Variants in LUZP2 observed in about 807,000 individuals in gnomAD.
LUZP2 encodes leucine zipper protein 2.
A neutral mutation model predicts 51.6 loss-of-function variants in LUZP2; 52 were observed. The observed-to-expected ratio is 1.01, with a 90% CI of 0.81 to 1.27. The LOEUF (loss-of-function observed/expected upper bound fraction) is 1.27. Among genes scored for constraint, LUZP2 ranks in the 50% most tolerant of loss-of-function variants. The probability of loss-of-function intolerance (pLI) is 0.00; values close to 1 mark genes in which losing one functional copy is unlikely to be tolerated. For synonymous variants in LUZP2, 154 were observed against 137.3 expected (o/e 1.12, Z -0.85); for missense variants, 436 against 395.4 (o/e 1.10, Z -0.87).
intron 1 of LUZP2, among the ~76,000 whole-genome samples, chr11:24,651,640 A>G (rs1287657435): frequency 6.6e-6 from 1 of 152,164 alleles, no homozygotes; most frequent in Non-Finnish European, 1.5e-5. Context: ...TTAATTTTAA[A>G]TATCAACTTG....
intron 10 of LUZP2, among the ~76,000 whole-genome samples, chr11:25,054,828 T>G (rs1016245941): frequency 1.3e-5 from 2 of 152,072 alleles, no homozygotes; most frequent in African/African-American, 4.8e-5. Flanking sequence ...ACAATCAGTT[T>G]TGAAGTCTAC....
chr11:24,984,020 A>G (rs1211702733), intron 9 of LUZP2, among the ~76,000 whole-genome samples: 2 of 151,718 alleles, frequency 1.3e-5, no homozygotes, highest in South Asian at 2.1e-4. Context: ...GGCCCTACAT[A>G]CATTGAAATA....
intron 4 of LUZP2, among the ~76,000 whole-genome samples, chr11:24,740,750 C>T (rs776132741): frequency 6.6e-6 from 1 of 152,106 alleles, no homozygotes; most frequent in Non-Finnish European, 1.5e-5. Flanking sequence ...TCCTTCTGCA[C>T]TTCCCATTTT....
At chr11:24,523,584 G>T (rs935616199) in intron 1 of LUZP2, among the ~76,000 whole-genome samples, 2 of 150,376 alleles carry the variant, frequency 1.3e-5, no homozygotes, top group African/African-American at 2.4e-5. Context: ...CATTGGTAAT[G>T]GTTCTCATTT....
chr11:24,498,769 T>C (rs1021683242), intron 1 of LUZP2, among the ~76,000 whole-genome samples: 1 of 152,204 alleles, frequency 6.6e-6, no homozygotes, highest in African/African-American at 2.4e-5. Context: ...TATGTTGTGA[T>C]TTAGTCTTCT....
intron 5 of LUZP2, among the ~76,000 whole-genome samples, chr11:24,899,106 A>C (rs1048616137): frequency 7.2e-5 from 11 of 152,200 alleles, no homozygotes; most frequent in Non-Finnish European, 1.5e-4. Flanking sequence ...GGATGATTGA[A>C]AAATTTAGAA....
At chr11:24,591,133 T>C (rs1380124195) in intron 1 of LUZP2, among the ~76,000 whole-genome samples, 1 of 152,052 alleles carries the variant, frequency 6.6e-6, no homozygotes, top group Non-Finnish European at 1.5e-5. Flanking sequence ...TAATAAAATG[T>C]TTTTAAAACA....
chr11:24,552,306 A>G (rs1046020509), intron 1 of LUZP2, among the ~76,000 whole-genome samples: 3 of 152,016 alleles, frequency 2.0e-5, no homozygotes, highest in Non-Finnish European at 4.4e-5. Flanking sequence ...GATACATTTC[A>G]AAAATGTTTT....
At chr11:24,756,587 C>G (rs1157585149) in intron 4 of LUZP2, among the ~76,000 whole-genome samples, 2 of 152,102 alleles carry the variant, frequency 1.3e-5, no homozygotes, top group Non-Finnish European at 2.9e-5. Flanking sequence ...TGAGCCTAAG[C>G]AGTGCTAGCA....
chr11:24,584,466 T>G (rs984679256), intron 1 of LUZP2, among the ~76,000 whole-genome samples: 1 of 152,232 alleles, frequency 6.6e-6, no homozygotes, highest in South Asian at 2.1e-4. Context: ...CTTTCCATTC[T>G]GTAATTATAT....
At chr11:24,603,839 C>A (rs759612173) in intron 1 of LUZP2, among the ~76,000 whole-genome samples, 1 of 151,660 alleles carries the variant, frequency 6.6e-6, no homozygotes, top group Non-Finnish European at 1.5e-5. Flanking sequence ...GAAAAAGATA[C>A]AGGAATACAG....
intron 1 of LUZP2, among the ~76,000 whole-genome samples, chr11:24,686,225 A>T (rs1856893430): frequency 1.0e-5 from 1 of 100,350 alleles, no homozygotes; most frequent in African/African-American, 3.6e-5. Context: ...GAACTCTGCA[A>T]AAAAAAAAAA....
intron 7 of LUZP2, among the ~76,000 whole-genome samples, chr11:24,967,407 C>T (rs1448828336): frequency 6.6e-6 from 1 of 151,752 alleles, no homozygotes; most frequent in East Asian, 1.9e-4. Flanking sequence ...TTGTAATTTT[C>T]AACACAAATG....
intron 9 of LUZP2, among the ~76,000 whole-genome samples, chr11:25,008,976 T>C (rs1233779299): frequency 6.6e-6 from 1 of 152,182 alleles, no homozygotes; most frequent in Non-Finnish European, 1.5e-5. Flanking sequence ...AAATTGTCTT[T>C]GGCTTGAAGG....
intron 1 of LUZP2, among the ~76,000 whole-genome samples, chr11:24,712,365 A>G (rs1486622486): frequency 6.6e-6 from 1 of 151,602 alleles, no homozygotes; most frequent in African/African-American, 2.4e-5. Context: ...AGGCTATATC[A>G]CTCCACTGCA....
chr11:24,998,788 TTGA>T (rs2133938645), intron 9 of LUZP2, among the ~76,000 whole-genome samples: 1 of 152,318 alleles, frequency 6.6e-6, no homozygotes, highest in East Asian at 1.9e-4. Context: ...GCATAAAATC[TTGA>T]TGATAAAAGA....
intron 4 of LUZP2, among the ~76,000 whole-genome samples, chr11:24,740,291 A>G (rs1859089683): frequency 1.3e-5 from 2 of 152,184 alleles, no homozygotes; most frequent in Admixed American, 1.3e-4. Flanking sequence ...ATCCGAAAAG[A>G]AGAGAGTTAT....
intron 7 of LUZP2, among the ~76,000 whole-genome samples, chr11:24,973,061 T>TTG (rs1041029828): frequency 1.3e-5 from 2 of 150,150 alleles, no homozygotes; most frequent in African/African-American, 4.9e-5. Flanking sequence ...GTCCTGGGTT[T>TTG]TTTTTTTTTT....
At chr11:24,890,171 C>A (rs1423072478) in intron 5 of LUZP2, among the ~76,000 whole-genome samples, 1 of 151,896 alleles carries the variant, frequency 6.6e-6, no homozygotes, top group Non-Finnish European at 1.5e-5. Flanking sequence ...AATAAATGAG[C>A]AAATATATTA....
Sources: gnomAD v4.1 joint callset for allele counts (sites outside exome capture counted in the v4.1 genomes callset) on GRCh38, gnomAD v4.1.1 for gene constraint, MANE v1.5 for transcripts, NCBI Gene and HGNC (gene_info 2026-07-23, HGNC 2026-07-21) for gene names.